KY: variants seen among roughly 807,000 people sequenced by gnomAD.
KY encodes kyphoscoliosis peptidase.
KY carries 43 observed loss-of-function variants against 76.1 expected under a neutral mutation model. The ratio of observed to expected loss-of-function variants is 0.57; its 90% confidence interval spans 0.44 to 0.73. KY has a LOEUF of 0.73. KY is among the 30% of genes least tolerant of loss of function. KY has a pLI of 0.00. For missense variants in KY, 722 were observed against 828.9 expected, an observed-to-expected ratio of 0.87 and a Z score of 1.58; for synonymous variants, 277 against 326.2, an observed-to-expected ratio of 0.85 and a Z score of 1.63.
chr3:134,650,848 C>T lies in KY; in HGVS notation c.113G>A (p.Ser38Asn), dbSNP rs773157763. Residue 38 changes from serine (S) to asparagine (N), a missense_variant, in exon 1 of 11, where the codon AGC becomes AAC. Physicochemically the swap from Ser to Asn is conservative, Grantham distance 46 (BLOSUM62 1). Coordinates refer to ENST00000423778, the MANE Select transcript of KY (RefSeq NM_178554.6). ...GTLSDQQANP[S>N]SLLQRGGGFQ... ...ACCTCCTCCGCGCTGCAGCAGCGAG[C>T]TCGGGTTCGCCTGCTGGTCTGAGAG... is the stretch of plus-strand genomic sequence containing the variant. The T allele has an allele frequency of 1.2e-6, 2 of 1,606,570 alleles. No homozygotes were observed. The highest frequency in any genetic ancestry group is 1.3e-5 in the African/African-American group (1 of 74,512).
Position 134,603,772 on chromosome 3 carries a change from T to A in KY, c.1793A>T (p.Lys598Ile). Reference sequence around the variant, plus strand: ...TTTGGCAATACCATGCAGCTTCAATTTGAATGGGACATTCCGGTTGGCAGG... The same window carrying A: ...TTTGGCAATACCATGCAGCTTCAATATGAATGGGACATTCCGGTTGGCAGG... The part of the protein sequence containing the change: ...VLPANRNVPF[K>I]LKLHGIAKVL... The change falls in exon 11 of 11, where the codon AAA (lysine) becomes ATA (isoleucine). Residue 598 changes from lysine (K) to isoleucine (I), a missense_variant. Around this residue, in one of 2 missense-constraint regions of KY, gnomAD observed 552 missense variants for 680.9 expected, o/e 0.81. Coordinates refer to ENST00000423778, the MANE Select transcript of KY (RefSeq NM_178554.6). 1.2e-6 allele frequency: 2 copies of A among 1,612,648 alleles called. No homozygotes were observed. The highest frequency in any genetic ancestry group is 1.7e-6 in the Non-Finnish European group (2 of 1,178,910).
intron 1 of KY, among the ~76,000 whole-genome samples, chr3:134,649,953 A>G (rs1231262984): frequency 1.3e-5 from 2 of 152,166 alleles, no homozygotes; most frequent in African/African-American, 4.8e-5. Context: ...CCTAACTCCT[A>G]AAGAACTGGC....
At chr3:134,646,118 C>T (rs548013491) in intron 2 of KY, among the ~76,000 whole-genome samples, 1 of 152,202 alleles carries the variant, frequency 6.6e-6, no homozygotes, top group Non-Finnish European at 1.5e-5. Context: ...CTTCCATGCC[C>T]TGCATGGCCA....
intron 1 of KY, 35 bp downstream of exon 1, chr3:134,650,790 G>T: frequency 6.5e-7 from 1 of 1,533,916 alleles, no homozygotes; most frequent in East Asian, 2.4e-5. Flanking sequence ...CCAAGGTGCC[G>T]GGGGACCCGG....
In KY at chr3:134,601,046, G is replaced by A. The variant is rs1958940852; in HGVS notation, c.*2533C>T. On this transcript the variant is annotated 3_prime_UTR_variant, in exon 11 of 11. Transcript: ENST00000423778. The stretch of plus-strand genomic sequence containing the variant: ...GGGGCGCCCGTGCCATTCCGCCGGC[G>A]ACTGGGACTCGTCGCCCGGGAAACA... The A allele has an allele frequency of 6.6e-6, 1 of 152,214 alleles. No individual in the cohort carries two copies. The highest frequency in any genetic ancestry group is 2.1e-4 in the South Asian group (1 of 4,834). 9.4% of individuals were successfully genotyped at this position (152,214 alleles called of 1,614,324 possible).
rs746824101 is a variant in KY at position 134,603,720 on chromosome 3, C to T, written c.1845G>A (p.Trp615Ter). 2 of 1,613,456 alleles carry T rather than the reference C, an allele frequency of 1.2e-6. No homozygotes were observed. Among genetic ancestry groups the T allele is most frequent in the Admixed American group, 3.3e-5 (2 of 59,974 alleles). ...AGCCCTCGTGGTTCAGGGTCAGGGG[C>T]CATGTGTCCTGCCCCTTCACCAGGA... ...AKVLVKGQDT[W>*]PLTLNHEGYW... Residue 615 changes from tryptophan to a stop codon, truncating the protein, a stop_gained, in exon 11 of 11, where the codon TGG (tryptophan) becomes TGA (stop). Transcript: ENST00000423778. LOFTEE classifies it high-confidence loss of function.
rs1962468232 is a variant in KY, at chr3:134,620,777, G to A, written c.564C>T (p.Ala188=). 1.2e-6 allele frequency: 2 copies of A among 1,613,712 alleles called. No homozygotes were observed. The highest frequency in any genetic ancestry group is 8.5e-7 in the Non-Finnish European group (1 of 1,179,752). The part of the protein sequence containing the change: ...EAHTDLERVR[A]IWIWICHHIE... ...TGTGATGGCAGATCCAGATCCAGATGGCGCGGACCCTTTCCAGGTCAGTGT... is the reference window on the plus strand; with the variant it reads ...TGTGATGGCAGATCCAGATCCAGATAGCGCGGACCCTTTCCAGGTCAGTGT... Residue 188 remains alanine, a synonymous_variant, in exon 7 of 11, where the codon GCC becomes GCT. Transcript: ENST00000423778.
intron 7 of KY, chr3:134,620,075 C>T (rs998072225): frequency 7.2e-5 from 11 of 152,274 alleles, no homozygotes; most frequent in African/African-American, 2.4e-4. Context: ...GACTAGGAGT[C>T]CACCTCGTGA....
At chr3:134,639,070 G>GTT (rs35303789) in intron 3 of KY, among the ~76,000 whole-genome samples, 41,104 of 128,328 alleles carry the variant, frequency 0.32, 6,891 homozygotes, top group African/African-American at 0.34. Context: ...CTACTTTGGA[G>GTT]TTTTTTTTTT....
At chr3:134,646,686 C>G (rs1210232308) in intron 2 of KY, among the ~76,000 whole-genome samples, 2 of 152,136 alleles carry the variant, frequency 1.3e-5, no homozygotes, top group Non-Finnish European at 2.9e-5. Context: ...GAGGGTGGTT[C>G]CTTTACACTG....
chr3:134,633,227 G>T (rs1394750935), intron 3 of KY, among the ~76,000 whole-genome samples: 1 of 152,048 alleles, frequency 6.6e-6, no homozygotes, highest in East Asian at 1.9e-4. Flanking sequence ...TAAAACAGAA[G>T]AGAAGTGAAT....
intron 8 of KY, among the ~76,000 whole-genome samples, chr3:134,614,802 G>A (rs989658340): frequency 5.3e-5 from 8 of 152,136 alleles, no homozygotes; most frequent in Admixed American, 4.6e-4. Context: ...ACCAAGGCCA[G>A]GCCCCAACAG....
At chr3:134,616,420 A>G (rs1961579402) in intron 8 of KY, among the ~76,000 whole-genome samples, 1 of 152,254 alleles carries the variant, frequency 6.6e-6, no homozygotes, top group Non-Finnish European at 1.5e-5. Flanking sequence ...TGCGGATTAT[A>G]TGTCCTCAGT....
chr3:134,625,269 C>A, intron 5 of KY, 134 bp from the exon 6 acceptor site: 1 of 734,690 alleles, frequency 1.4e-6, no homozygotes, highest in South Asian at 1.7e-5. Context: ...AAACATTGAG[C>A]CTAAGAGCTA....
At chr3:134,644,577 T>G (rs1966205725) in intron 2 of KY, among the ~76,000 whole-genome samples, 1 of 152,230 alleles carries the variant, frequency 6.6e-6, no homozygotes, top group South Asian at 2.1e-4. Context: ...AGCTTCCTGC[T>G]GGCTTGCAGT....
intron 3 of KY, among the ~76,000 whole-genome samples, chr3:134,640,630 T>C (rs1165114009): frequency 1.3e-5 from 2 of 152,120 alleles, no homozygotes; most frequent in Non-Finnish European, 2.9e-5. Flanking sequence ...AAGTGGCACA[T>C]GGAGTAACGA....
intron 3 of KY, among the ~76,000 whole-genome samples, chr3:134,638,197 T>G (rs1421599810): frequency 6.6e-6 from 1 of 152,200 alleles, no homozygotes; most frequent in African/African-American, 2.4e-5. Flanking sequence ...ACACGCTGTT[T>G]CAAGGGGAAA....
intron 6 of KY, 84 bp downstream of exon 6, chr3:134,624,969 G>C: frequency 8.7e-7 from 1 of 1,154,256 alleles, no homozygotes; most frequent in South Asian, 1.3e-5. Context: ...ATATGTTCAG[G>C]AGGTGTCTGG....
chr3:134,607,954 T>C lies in KY; in HGVS notation c.1090+695A>G. ...GGGCTTACTGTGTCCCCGCCTCTCC[T>C]CTGCTGCCTAGAACATGTCCATCTC... On this transcript the variant is annotated intron_variant, in intron 10 of 10. Coordinates refer to ENST00000423778, the MANE Select transcript of KY (RefSeq NM_178554.6). 3 of 997,676 alleles carry C rather than the reference T, an allele frequency of 3.0e-6. No individual in the cohort carries two copies. The South Asian group carries it at 1.3e-4, about 44-fold the overall frequency. The allele number at this position is 997,676 out of a possible 1,614,324, so 61.8% of individuals were successfully genotyped here.
Sources: allele counts gnomAD v4.1 joint callset (sites outside exome capture counted in the v4.1 genomes callset), GRCh38; gene constraint gnomAD v4.1.1; regional missense constraint gnomAD v4.1.1; transcripts MANE v1.5; gene names NCBI Gene and HGNC (gene_info 2026-07-23, HGNC 2026-07-21).